The following ACSM6 variants were observed in gnomAD, a reference collection of about 807,000 sequenced individuals.
ACSM6 encodes acyl-coenzyme A synthetase ACSM6, mitochondrial.
Under a neutral mutation model 51.1 loss-of-function variants are expected in ACSM6, and 35 were observed. The observed-to-expected ratio is 0.69, with a 90% CI of 0.52 to 0.91. ACSM6 has a LOEUF of 0.91. Among genes scored for constraint, ACSM6 ranks in the 40% least tolerant of loss-of-function variants. The pLI, the probability that ACSM6 is intolerant of heterozygous loss-of-function variation, is 0.00. For missense variants in ACSM6, 509 were observed against 584.1 expected (o/e 0.87, Z 1.32); for synonymous variants, 172 against 207.3 (o/e 0.83, Z 1.46).
chr10:95,215,978 G>A (rs1220602558), intron 8 of ACSM6, among the ~76,000 whole-genome samples: 3 of 152,172 alleles, frequency 2.0e-5, no homozygotes, highest in Admixed American at 6.5e-5. Context: ...CCCCAAACTA[G>A]AGTGCAGTGG....
At chr10:95,225,168 A>G (rs1201491662) in intron 9 of ACSM6, 122 bp from the exon 10 acceptor site, 1 of 729,928 alleles carries the variant, frequency 1.4e-6, no homozygotes, top group African/African-American at 1.8e-5. Flanking sequence ...AAGTACACCA[A>G]CCAAGCACTT....
chr10:95,209,580 G>A (rs571650880), intron 4 of ACSM6, among the ~76,000 whole-genome samples: 12 of 152,206 alleles, frequency 7.9e-5, no homozygotes, highest in African/African-American at 2.9e-4. Context: ...AGACAGGACC[G>A]AAAACAAGCC....
At chr10:95,208,746 C>T (rs1394096135) in intron 4 of ACSM6, among the ~76,000 whole-genome samples, 2 of 151,850 alleles carry the variant, frequency 1.3e-5, no homozygotes, top group Non-Finnish European at 2.9e-5. Flanking sequence ...ATAAATTTAA[C>T]TGCATCATAG....
At chr10:95,227,778 T>C (rs191163111) in intron 10 of ACSM6, among the ~76,000 whole-genome samples, 1 of 152,310 alleles carries the variant, frequency 6.6e-6, no homozygotes, top group African/African-American at 2.4e-5. Context: ...CAAATGCTGT[T>C]AGAATCTGGC....
intron 3 of ACSM6, among the ~76,000 whole-genome samples, chr10:95,203,725 G>A (rs1431270678): frequency 2.6e-5 from 4 of 151,986 alleles, no homozygotes; most frequent in Non-Finnish European, 4.4e-5. Flanking sequence ...TCTATTCTTA[G>A]GATACAGGCA....
intron 8 of ACSM6, among the ~76,000 whole-genome samples, chr10:95,219,671 T>G (rs1220448016): frequency 1.3e-5 from 2 of 152,226 alleles, no homozygotes; most frequent in Admixed American, 1.3e-4. Flanking sequence ...CTAATTGCAG[T>G]ATGGTTTACA....
At chr10:95,197,099 C>T (rs958461409) in intron 2 of ACSM6, among the ~76,000 whole-genome samples, 16 of 152,168 alleles carry the variant, frequency 1.1e-4, no homozygotes, top group East Asian at 1.9e-4. Context: ...TCAATGGCAT[C>T]GTGTGGTAGG....
rs1469121845 is a variant in ACSM6 at position 95,225,317 on chromosome 10, C to T, written c.1228C>T (p.Pro410Ser). 5.8e-6 allele frequency: 9 copies of T among 1,551,580 alleles called. No individual in the cohort carries two copies. The South Asian group carries it at 1.1e-4, about 18-fold the overall frequency. The stretch of plus-strand genomic sequence containing the variant: ...TGTGGATGAAAACTCAAATCTCCTG[C>T]CTCCAGGGGAAGAAGGAAATATTGC... Residue 410 changes from proline (P) to serine (S), a missense_variant, in exon 10 of 11, where the codon CCT becomes TCT. By Grantham distance (74) the Pro-to-Ser change is moderately conservative (BLOSUM62 -1). Transcript: ENST00000341686.
At chr10:95,228,674 G>A in exon 11 of ACSM6, 1 of 1,551,688 alleles carries the variant, frequency 6.4e-7, no homozygotes. Flanking sequence ...TTCAGCAAGA[G>A]GCCACATGCT....
intron 6 of ACSM6, 97 bp from the exon 7 acceptor site, chr10:95,212,761 C>A: frequency 1.1e-6 from 1 of 912,214 alleles, no homozygotes. Flanking sequence ...AGTCTGTGAC[C>A]CTCTTCCCTG....
intron 7 of ACSM6, among the ~76,000 whole-genome samples, chr10:95,213,518 A>G (rs1038100266): frequency 3.3e-5 from 5 of 152,220 alleles, no homozygotes; most frequent in African/African-American, 1.2e-4. Flanking sequence ...TTTTTTTCAC[A>G]CTATTCCTTA....
intron 9 of ACSM6, among the ~76,000 whole-genome samples, chr10:95,224,525 C>G (rs1392220382): frequency 6.6e-6 from 1 of 152,216 alleles, no homozygotes; most frequent in Non-Finnish European, 1.5e-5. Flanking sequence ...CTCAGCCTCC[C>G]AAGTAGCTGG....
chr10:95,215,608 G>A (rs2034937069), intron 8 of ACSM6, among the ~76,000 whole-genome samples: 1 of 152,136 alleles, frequency 6.6e-6, no homozygotes, highest in South Asian at 2.1e-4. Flanking sequence ...GAGAAGGAAG[G>A]GAATTCAAGA....
Position 95,217,155 on chromosome 10 carries a change from C to T in ACSM6, c.1119+2180C>T, listed in dbSNP as rs541978042. On this transcript the variant is annotated intron_variant, in intron 8 of 10. Coordinates refer to ENST00000341686, the Ensembl canonical transcript of ACSM6. ...ACAAGGTCAAGAGATTGAGACCATC[C>T]TGGCCAACATGTGAAACCCTGTATT... 4.4e-4 allele frequency among the ~76,000 whole-genome samples: 66 copies of T among 150,326 alleles called. 1 individual carries two copies. In the South Asian group the frequency reaches 0.013, roughly 29 times the overall value.
At chr10:95,209,323 A>G (rs1213362275) in intron 4 of ACSM6, among the ~76,000 whole-genome samples, 2 of 152,150 alleles carry the variant, frequency 1.3e-5, no homozygotes, top group African/African-American at 4.8e-5. Flanking sequence ...AGAGTGGGGA[A>G]GAGAGTAGCA....
intron 9 of ACSM6, among the ~76,000 whole-genome samples, chr10:95,222,675 G>A (rs1290333783): frequency 6.6e-6 from 1 of 151,816 alleles, no homozygotes; most frequent in Non-Finnish European, 1.5e-5. Flanking sequence ...ATTGGTGGTT[G>A]CCAGGAGCTG....
intron 10 of ACSM6, 73 bp from the exon 11 acceptor site, chr10:95,228,571 G>A: frequency 6.9e-7 from 1 of 1,448,010 alleles, no homozygotes; most frequent in Non-Finnish European, 9.2e-7. Flanking sequence ...GCTAGCCAGA[G>A]TGCTCAATTC....
chr10:95,213,577 G>C (rs1246030623), intron 7 of ACSM6, among the ~76,000 whole-genome samples: 1 of 152,014 alleles, frequency 6.6e-6, no homozygotes, highest in African/African-American at 2.4e-5. Context: ...TCATTGCATA[G>C]TATTCTTTAG....
At chr10:95,225,141 T>C in intron 9 of ACSM6, 149 bp from the exon 10 acceptor site, 1 of 620,776 alleles carries the variant, frequency 1.6e-6, no homozygotes, top group Non-Finnish European at 2.8e-6. Context: ...CACTGCCTCT[T>C]AGGTTGCCCA....
Sources: allele counts gnomAD v4.1 joint callset (sites outside exome capture counted in the v4.1 genomes callset), GRCh38; gene constraint gnomAD v4.1.1; transcripts MANE v1.5; gene names NCBI Gene and HGNC (gene_info 2026-07-23, HGNC 2026-07-21).